The following TENM4 variants were observed in gnomAD, a reference collection of about 807,000 sequenced individuals.
The protein encoded by TENM4 is teneurin-4.
TENM4 carries 82 observed loss-of-function variants against 243.3 expected under a neutral mutation model. The ratio of observed to expected loss-of-function variants is 0.34; its 90% CI spans 0.28 to 0.40. TENM4 has a LOEUF of 0.40. Among genes scored for constraint, TENM4 ranks in the 10% least tolerant of loss-of-function variants. The pLI is 1.00. For missense variants in TENM4, 3,138 were observed against 3,673.3 expected (o/e 0.85, Z 3.77); for synonymous variants, 1,412 against 1,456.3 (o/e 0.97, Z 0.69).
chr11:78,686,665 T>G (rs867090471), intron 29 of TENM4, among the ~76,000 whole-genome samples: 11 of 152,180 alleles, frequency 7.2e-5, no homozygotes, highest in African/African-American at 2.4e-4. Context: ...CACTGCAGAG[T>G]TGATTGCTTG....
chr11:79,109,179 T>A (rs1861444433), intron 4 of TENM4, among the ~76,000 whole-genome samples: 1 of 152,176 alleles, frequency 6.6e-6, no homozygotes, highest in South Asian at 2.1e-4. Context: ...CTTTCCAAGC[T>A]GCAGGTGGTT....
chr11:79,426,879 T>C (rs540154462), intron 1 of TENM4, among the ~76,000 whole-genome samples: 23 of 152,266 alleles, frequency 1.5e-4, no homozygotes, highest in African/African-American at 5.5e-4. Context: ...ATAGACACAG[T>C]ATTGGTACCT....
chr11:79,119,359 A>C (rs1240335169), intron 4 of TENM4, among the ~76,000 whole-genome samples: 1 of 150,834 alleles, frequency 6.6e-6, no homozygotes, highest in Non-Finnish European at 1.5e-5. Flanking sequence ...TTATTGTGAT[A>C]ATCATTATCA....
intron 1 of TENM4, among the ~76,000 whole-genome samples, chr11:79,411,402 T>C (rs773632506): frequency 1.2e-4 from 19 of 152,202 alleles, no homozygotes; most frequent in Non-Finnish European, 2.6e-4. Flanking sequence ...TATTAGCCCA[T>C]TTTACAGTTG....
At chr11:78,917,102 A>C (rs776116330) in intron 6 of TENM4, among the ~76,000 whole-genome samples, 6 of 152,254 alleles carry the variant, frequency 3.9e-5, no homozygotes, top group Non-Finnish European at 8.8e-5. Context: ...TGGGGACCAC[A>C]AAAAGTGTTG....
chr11:79,356,972 C>T lies in TENM4; in HGVS notation c.-320-59429G>A, dbSNP rs553446304. On this transcript the variant is annotated intron_variant, in intron 1 of 33. Coordinates refer to ENST00000278550, the MANE Select transcript of TENM4 (RefSeq NM_001098816.3). ...CTACTTCTCAGACCTCAGTATGCTG[C>T]TGGAGGGAATTGGGTGGGAAGGTGT... 5.4e-4 allele frequency among the ~76,000 whole-genome samples: 82 copies of T among 152,188 alleles called. 1 individual carries two copies. The highest frequency in any genetic ancestry group is 1.7e-3 in the African/African-American group (69 of 41,508).
At chr11:78,903,224 G>A (rs1341420126) in intron 7 of TENM4, 44 bp downstream of exon 7, 5 of 1,467,380 alleles carry the variant, frequency 3.4e-6, no homozygotes. Flanking sequence ...CCGGGCCCCG[G>A]GTGCCCACCC....
chr11:78,963,494 GA>G, intron 6 of TENM4, among the ~76,000 whole-genome samples: 1 of 152,302 alleles, frequency 6.6e-6, no homozygotes, highest in Middle Eastern at 3.4e-3. Flanking sequence ...TTGAGTGACA[GA>G]AGGTTTATAA....
chr11:79,384,841 T>G (rs519863), intron 1 of TENM4, among the ~76,000 whole-genome samples: 81,005 of 150,836 alleles, frequency 0.54, 21,713 homozygotes, highest in Non-Finnish European at 0.55. Context: ...CAGGAGAATC[T>G]CTTAAACCCA....
At chr11:79,151,692 C>T (rs1862515534) in intron 3 of TENM4, among the ~76,000 whole-genome samples, 1 of 151,976 alleles carries the variant, frequency 6.6e-6, no homozygotes, top group South Asian at 2.1e-4. Context: ...CCTCATTATC[C>T]CTGAAGTCTT....
chr11:78,863,319 T>C (rs140206770), intron 9 of TENM4, among the ~76,000 whole-genome samples, 187 bp from the exon 10 acceptor site: 339 of 152,312 alleles, frequency 2.2e-3, no homozygotes, highest in Non-Finnish European at 4.1e-3. Flanking sequence ...AGGATCAAGG[T>C]TCAGACCCTG....
At chr11:78,971,673 GC>G (rs765866884) in intron 6 of TENM4, among the ~76,000 whole-genome samples, 1 of 152,006 alleles carries the variant, frequency 6.6e-6, no homozygotes, top group African/African-American at 2.4e-5. Flanking sequence ...AAATGTGAAA[GC>G]TTTTCAATTG....
At chr11:79,196,695 A>G (rs1167543415) in intron 3 of TENM4, among the ~76,000 whole-genome samples, 2 of 152,136 alleles carry the variant, frequency 1.3e-5, no homozygotes, top group African/African-American at 4.8e-5. Context: ...TCTTCTTAAC[A>G]GGGCCTCAGT....
chr11:78,903,306 C>G lies in TENM4; in HGVS notation c.711G>C (p.Glu237Asp), dbSNP rs377037323. 85 of 1,487,110 alleles carry G rather than the reference C, an allele frequency of 5.7e-5. No individual in the cohort carries two copies. In the African/African-American group the frequency reaches 8.5e-4, roughly 15 times the overall value. The allele number at this position is 1,487,110 out of a possible 1,614,324, so 92.1% of individuals were successfully genotyped here. ...GGAQEPAHAQENWLLNSNIPL... is the reference protein window; with the variant it reads ...GGAQEPAHAQDNWLLNSNIPL... ...GGATGTTGCTGTTGAGCAGCCAGTT[C>G]TCCTGGGCGTGGGCAGGCTCCTGGG... Residue 237 changes from glutamate (E) to aspartate (D), a missense_variant, in exon 7 of 34, where the codon GAG (glutamate) becomes GAC (aspartate). Physicochemically the swap from Glu to Asp is conservative, Grantham distance 45. Around this residue, in one of 2 missense-constraint regions of TENM4, gnomAD observed 671 missense variants for 614.1 expected, o/e 1.09. Transcript: ENST00000278550.
rs559617043 is a variant in TENM4 at position 78,660,002 on chromosome 11, G to A, written c.7552-1186C>T. On this transcript the variant is annotated intron_variant, in intron 33 of 33. Coordinates refer to ENST00000278550, the MANE Select transcript of TENM4 (RefSeq NM_001098816.3). Reference sequence around the variant, plus strand: ...GGAGTGCTCAACAACAAAGATCTCCGATGCTTGCCAAGGGCAGAAATCAAT... The same window carrying A: ...GGAGTGCTCAACAACAAAGATCTCCAATGCTTGCCAAGGGCAGAAATCAAT... 3.3e-5 allele frequency among the ~76,000 whole-genome samples: 5 copies of A among 152,354 alleles called. No homozygotes were observed. The South Asian group carries it at 8.3e-4, about 25-fold the overall frequency.
chr11:78,805,817 G>A (rs1857377530), intron 14 of TENM4, among the ~76,000 whole-genome samples: 1 of 152,152 alleles, frequency 6.6e-6, no homozygotes, highest in South Asian at 2.1e-4. Context: ...TAGCACACAG[G>A]AGGTGTTTAA....
At chr11:78,747,425 A>G (rs1856074444) in intron 19 of TENM4, among the ~76,000 whole-genome samples, 1 of 152,252 alleles carries the variant, frequency 6.6e-6, no homozygotes, top group Admixed American at 6.5e-5. Flanking sequence ...CAGACAGACA[A>G]CAGTAGGAAG....
chr11:79,420,369 G>A (rs1255770758), intron 1 of TENM4, among the ~76,000 whole-genome samples: 1 of 152,172 alleles, frequency 6.6e-6, no homozygotes, highest in Non-Finnish European at 1.5e-5. Context: ...GACTCTCCAA[G>A]CTTCCTGCTT....
intron 1 of TENM4, among the ~76,000 whole-genome samples, chr11:79,367,769 G>A (rs1203125229): frequency 6.6e-6 from 1 of 152,138 alleles, no homozygotes; most frequent in Non-Finnish European, 1.5e-5. Context: ...CATAACAAAT[G>A]TGACATTCAA....
Sources: gnomAD v4.1 joint callset for allele counts (sites outside exome capture counted in the v4.1 genomes callset) on GRCh38, gnomAD v4.1.1 for gene constraint, gnomAD v4.1.1 regional missense constraint, MANE v1.5 for transcripts, NCBI Gene and HGNC (gene_info 2026-07-23, HGNC 2026-07-21) for gene names.